DSC1: variants seen among roughly 807,000 people sequenced by gnomAD.
DSC1 encodes desmocollin 1, also known as desmocollin-1.
Under a neutral mutation model 98.8 loss-of-function variants are expected in DSC1, and 79 were observed. That is an observed-to-expected ratio of 0.80 (90% CI 0.67 to 0.96). The LOEUF is 0.96. Ranked by LOEUF, DSC1 falls within the 50% of genes least tolerant of loss-of-function variation. DSC1 has a pLI of 0.00. For missense variants in DSC1, 1,115 were observed against 1,075.9 expected, an observed-to-expected ratio of 1.04 and a Z score of -0.51; for synonymous variants, 405 against 372.1, an observed-to-expected ratio of 1.09 and a Z score of -1.02.
intron 2 of DSC1, 69 bp downstream of exon 2, chr18:31,159,375 AC>A (rs1989167228): frequency 2.0e-6 from 3 of 1,534,282 alleles, no homozygotes; most frequent in Admixed American, 3.5e-5. Context: ...TTTATCCCAA[AC>A]TTTACAAGAG....
At chr18:31,138,606 C>T (rs1414040876) in intron 11 of DSC1, among the ~76,000 whole-genome samples, 1 of 91,420 alleles carries the variant, frequency 1.1e-5, no homozygotes, top group African/African-American at 3.7e-5. Flanking sequence ...ACATTGTTTG[C>T]ATTTTGTTAT....
Position 31,162,612 on chromosome 18 carries a change from G to A in DSC1, c.-18C>T. The stretch of plus-strand genomic sequence containing the variant: ...AGAGCCATCAGAAGCAGTCCCAATG[G>A]CCAGGGACGGTGGCCAGATAACAGG... On this transcript the variant is annotated 5_prime_UTR_variant, in exon 1 of 16. Transcript: ENST00000257198. 6.2e-7 allele frequency: 1 copy of A among 1,613,588 alleles called. No homozygotes were observed. Among genetic ancestry groups the A allele is most frequent in the Admixed American group, 1.7e-5 (1 of 60,006 alleles).
At chr18:31,131,936 GCT>G in intron 14 of DSC1, 94 bp from the exon 15 acceptor site, 1 of 1,367,348 alleles carries the variant, frequency 7.3e-7, no homozygotes, top group Non-Finnish European at 1.0e-6. Flanking sequence ...TCACTTGCCT[GCT>G]GTGCCTCTCT....
chr18:31,131,670 T>G lies in DSC1; in HGVS notation c.2411A>C (p.Lys804Thr). 1 of 1,614,130 alleles carries G rather than the reference T, an allele frequency of 6.2e-7. No individual in the cohort carries two copies. The highest frequency in any genetic ancestry group is 8.5e-7 in the Non-Finnish European group (1 of 1,179,994). The change falls in exon 15 of 16, where the codon AAG becomes ACG. Residue 804 changes from lysine to threonine, a missense_variant. Lys to Thr is a moderately conservative substitution (Grantham distance 78). Transcript: ENST00000257198. ...GGGHQTLESV[K>T]GVGQGDTGRY... is the part of the protein sequence containing the mutation. Reference sequence around the variant, plus strand: ...GCCAGTATCTCCCTGCCCCACTCCCTTGACGGACTCCAAGGTCTGATGTCC... The same window carrying G: ...GCCAGTATCTCCCTGCCCCACTCCCGTGACGGACTCCAAGGTCTGATGTCC...
At chr18:31,156,232 A>C in intron 3 of DSC1, 70 bp from the exon 4 acceptor site, 1 of 1,559,222 alleles carries the variant, frequency 6.4e-7, no homozygotes. Context: ...TATTTTACAC[A>C]TACATCAACA....
At chr18:31,148,432 T>G in intron 6 of DSC1, 66 bp downstream of exon 6, 1 of 1,446,894 alleles carries the variant, frequency 6.9e-7, no homozygotes, top group South Asian at 1.6e-5. Flanking sequence ...GTAAACATCT[T>G]TAATTATAAT....
chr18:31,156,572 T>C (rs551898599), intron 3 of DSC1, among the ~76,000 whole-genome samples: 15 of 152,202 alleles, frequency 9.9e-5, no homozygotes, highest in Admixed American at 3.3e-4. Flanking sequence ...CAGCATTTGC[T>C]CAAGTATACT....
In DSC1 at chr18:31,154,833, C is replaced by T. The variant is rs751977233; in HGVS notation, c.568G>A (p.Asp190Asn). The change falls in exon 5 of 16, where the codon GAC (aspartate) becomes AAC (asparagine). Residue 190 changes from aspartate to asparagine, a missense_variant. Physicochemically the swap from Asp to Asn is conservative, Grantham distance 23 (BLOSUM62 1). Coordinates refer to ENST00000257198, the MANE Select transcript of DSC1 (RefSeq NM_024421.2). ...EPFNLFYIEK[D>N]TGDIFCTRSI... ...CTTGTACAAAAGATATCCCCAGTGT[C>T]TTTCTCTATGTAAAACAAATTGAAG... The T allele has an allele frequency of 5.0e-6, 8 of 1,614,036 alleles. No homozygotes were observed. Among genetic ancestry groups the T allele is most frequent in the Non-Finnish European group, 6.8e-6 (8 of 1,179,938 alleles).
chr18:31,156,007 T>A (rs776340078), intron 4 of DSC1, 36 bp downstream of exon 4: 21 of 1,597,728 alleles, frequency 1.3e-5, no homozygotes, highest in Middle Eastern at 1.7e-4. Context: ...CAAAAAAAAA[T>A]TTGGACACAT....
At chr18:31,133,595 C>G (rs574656030) in intron 13 of DSC1, among the ~76,000 whole-genome samples, 8 of 151,904 alleles carry the variant, frequency 5.3e-5, no homozygotes, top group African/African-American at 1.9e-4. Context: ...ATAGTTTTAC[C>G]CAGCCTCTTC....
rs1988447236 is a variant in DSC1 at position 31,129,905 on chromosome 18, G to T, written c.*609C>A. Reference sequence around the variant, plus strand: ...ACCTAACAACAAATCCACATGGGCAGAGGTCCAGGGACTGAGCTCTGAAGG... The same window carrying T: ...ACCTAACAACAAATCCACATGGGCATAGGTCCAGGGACTGAGCTCTGAAGG... On this transcript the variant is annotated 3_prime_UTR_variant, in exon 16 of 16. Coordinates refer to ENST00000257198, the MANE Select transcript of DSC1 (RefSeq NM_024421.2). 6.6e-6 allele frequency: 1 copy of T among 152,282 alleles called. No individual in the cohort carries two copies. Among genetic ancestry groups the T allele is most frequent in the Non-Finnish European group, 1.5e-5 (1 of 68,166 alleles). 9.4% of individuals were successfully genotyped at this position (152,282 alleles called of 1,614,324 possible). A position where few individuals can be genotyped will look rare whatever the true frequency, so the allele number is the denominator to read the frequency against.
chr18:31,132,879 G>GCT (rs1013045162), intron 13 of DSC1, among the ~76,000 whole-genome samples, 190 bp from the exon 14 acceptor site: 96 of 152,178 alleles, frequency 6.3e-4, no homozygotes, highest in African/African-American at 2.1e-3. Flanking sequence ...ATTAATAATA[G>GCT]CTCTCTTCCC....
In DSC1 at chr18:31,159,548, A is replaced by AAG; in HGVS notation, c.64-20_64-19insCT. The AAG allele has an allele frequency of 7.8e-7, 1 of 1,286,998 alleles. No individual in the cohort carries two copies. The highest frequency in any genetic ancestry group is 1.1e-6 in the Non-Finnish European group (1 of 913,042). 79.7% of individuals were successfully genotyped at this position (1,286,998 alleles called of 1,614,324 possible). On this transcript the variant is annotated intron_variant, in intron 1 of 15. Coordinates refer to ENST00000257198, the MANE Select transcript of DSC1 (RefSeq NM_024421.2). ...TTAAAACCTCAAAAAAAAAAAAAGA[A>AAG]AAAATATCAGGAATTAAATTTGATC...
At chr18:31,145,033 G>A (rs1988816915) in intron 7 of DSC1, among the ~76,000 whole-genome samples, 1 of 145,636 alleles carries the variant, frequency 6.9e-6, no homozygotes, top group Non-Finnish European at 1.5e-5. Context: ...TCCGCCTCCC[G>A]GGTTCACGCC....
chr18:31,147,233 C>T (rs914868966), intron 6 of DSC1, among the ~76,000 whole-genome samples: 1 of 151,890 alleles, frequency 6.6e-6, no homozygotes, highest in Non-Finnish European at 1.5e-5. Context: ...TATTTCCATG[C>T]CATGATATAT....
In DSC1 at chr18:31,138,939, T is replaced by A. The variant is rs115193124; in HGVS notation, c.1663+809A>T. Among the ~76,000 whole-genome samples, 778 of 152,190 alleles carry A rather than the reference T, an allele frequency of 5.1e-3. 12 individuals are homozygous for A. Among genetic ancestry groups the A allele is most frequent in the African/African-American group, 0.018 (746 of 41,560 alleles). On this transcript the variant is annotated intron_variant, in intron 11 of 15. Transcript: ENST00000257198. ...GCCAAAATTTATGGTAAATTTGTCA[T>A]CAATATGATAAAATGGAAGAGTGTA...
At chr18:31,138,137 G>A (rs919768827) in intron 11 of DSC1, among the ~76,000 whole-genome samples, 5 of 151,986 alleles carry the variant, frequency 3.3e-5, no homozygotes, top group African/African-American at 9.7e-5. Context: ...ATGTAGATTT[G>A]TTAAAGTTTG....
rs1989233690 is a variant in DSC1, at chr18:31,162,703, C to T, written c.-109G>A. On this transcript the variant is annotated 5_prime_UTR_variant, in exon 1 of 16. Coordinates refer to ENST00000257198, the MANE Select transcript of DSC1 (RefSeq NM_024421.2). ...CTTGCACAGGGTATTCTGCTGCCAC[C>T]TTGATGCAGCTGAGCTTGGTTTGGA... 2.3e-6 allele frequency: 2 copies of T among 885,296 alleles called. No individual in the cohort carries two copies. The highest frequency in any genetic ancestry group is 5.0e-5 in the East Asian group (2 of 39,812). 54.8% of individuals were successfully genotyped at this position (885,296 alleles called of 1,614,324 possible).
At chr18:31,160,733 AGCAT>A (rs1989192966) in intron 1 of DSC1, among the ~76,000 whole-genome samples, 3 of 152,194 alleles carry the variant, frequency 2.0e-5, no homozygotes, top group African/African-American at 7.2e-5. Context: ...GAACTTTCTA[AGCAT>A]AGACCATACT....
Sources: allele counts gnomAD v4.1 joint callset (sites outside exome capture counted in the v4.1 genomes callset), GRCh38; gene constraint gnomAD v4.1.1; transcripts MANE v1.5; gene names NCBI Gene and HGNC (gene_info 2026-07-23, HGNC 2026-07-21).